Variants in ITPKC observed in about 807,000 individuals in gnomAD.
ITPKC encodes IP3 3-kinase C.
ITPKC carries 33 observed loss-of-function variants against 67.1 expected under a neutral mutation model. That is an observed-to-expected ratio of 0.49 (90% confidence interval 0.37 to 0.66). ITPKC has a LOEUF of 0.66. Among genes scored for constraint, ITPKC ranks in the 30% least tolerant of loss-of-function variants. The pLI is 0.00. For synonymous variants in ITPKC, 341 were observed against 359.8 expected (o/e 0.95, Z 0.59); for missense variants, 820 against 892.1 (o/e 0.92, Z 1.03).
rs5828077 is a variant in ITPKC at position 40,719,367 on chromosome 19, GAATAATAAT to G, written c.1155+1098_1155+1106del. 6.0e-5 allele frequency among the ~76,000 whole-genome samples: 9 copies of G among 150,146 alleles called. No homozygotes were observed. The South Asian group carries it at 6.3e-4, about 10-fold the overall frequency. On this transcript the variant is annotated intron_variant, in intron 1 of 6. Coordinates refer to ENST00000263370, the MANE Select transcript of ITPKC (RefSeq NM_025194.3). ...CAGAACAGCTGAGCTGGAAGTGGGT[GAATAATAAT>G]AATAATAATAATAATAATAACAACA...
chr19:40,717,369 T>C lies in ITPKC; in HGVS notation c.234T>C (p.Pro78=). The C allele has an allele frequency of 6.2e-7, 1 of 1,612,530 alleles. No homozygotes were observed. Among genetic ancestry groups the C allele is most frequent in the Admixed American group, 1.7e-5 (1 of 59,980 alleles). ...AGCCTGAGAGGGCCGGCCTCGGGCC[T>C]GCGCCGGGGACAGAGAGTCCGCAGG... ...HSEPERAGLG[P]APGTESPQAE... The change falls in exon 1 of 7, where the codon CCT becomes CCC. Residue 78 remains proline (P), a synonymous_variant. Coordinates refer to ENST00000263370, the MANE Select transcript of ITPKC (RefSeq NM_025194.3).
intron 2 of ITPKC, 117 bp downstream of exon 2, chr19:40,725,556 T>G: frequency 1.3e-6 from 1 of 759,484 alleles, no homozygotes; most frequent in Admixed American, 1.8e-5. Context: ...CCCCACCTTA[T>G]GGGACTGTTA....
chr19:40,729,175 T>G (rs151041227), intron 2 of ITPKC, 27 bp from the exon 3 acceptor site: 13 of 1,580,796 alleles, frequency 8.2e-6, no homozygotes, highest in Admixed American at 6.7e-5. Context: ...CAGTTCCTGA[T>G]CCTCTCATTT....
At position 40,733,204 on chromosome 19, in the gene ITPKC, G is replaced by A. The variant is rs767495962; in HGVS notation, c.1514G>A (p.Arg505His). ...CTAGTGAAGGCACGGGAACGTCCCC[G>A]TCCCCGGAAGGACATGTATGAGAAG... ...EELVKARERPRPRKDMYEKMV... is the reference protein window; with the variant it reads ...EELVKARERPHPRKDMYEKMV... The change falls in exon 4 of 7, where the codon CGT (arginine) becomes CAT (histidine). Residue 505 changes from arginine to histidine, a missense_variant. By Grantham distance (29) the Arg-to-His change is conservative (BLOSUM62 0). Around this residue, in one of 2 missense-constraint regions of ITPKC, gnomAD observed 339 missense variants for 422.0 expected, o/e 0.80. Transcript: ENST00000263370. The A allele has an allele frequency of 1.7e-5, 27 of 1,614,080 alleles. No individual in the cohort carries two copies. The African/African-American group carries it at 1.7e-4, about 10-fold the overall frequency.
chr19:40,739,202 A>G (rs1737258533), intron 6 of ITPKC, among the ~76,000 whole-genome samples, 155 bp from the exon 7 acceptor site: 1 of 152,218 alleles, frequency 6.6e-6, no homozygotes, highest in Non-Finnish European at 1.5e-5. Flanking sequence ...ACACCTGCCT[A>G]AGGCTGCACA....
chr19:40,722,554 C>T (rs1379442853), intron 1 of ITPKC, among the ~76,000 whole-genome samples: 1 of 152,014 alleles, frequency 6.6e-6, no homozygotes, highest in Non-Finnish European at 1.5e-5. Context: ...CGTCCCTGAT[C>T]CTGGGGTAGG....
intron 1 of ITPKC, among the ~76,000 whole-genome samples, chr19:40,723,251 G>T (rs1381030628): frequency 6.6e-6 from 1 of 152,046 alleles, no homozygotes; most frequent in African/African-American, 2.4e-5. Context: ...ATGAGCCACT[G>T]CGCCCGGCCT....
chr19:40,734,221 C>T (rs909687283), intron 4 of ITPKC, among the ~76,000 whole-genome samples: 1 of 152,030 alleles, frequency 6.6e-6, no homozygotes, highest in East Asian at 1.9e-4. Context: ...TTTTTTCCCC[C>T]ACAGCTATGT....
intron 2 of ITPKC, among the ~76,000 whole-genome samples, chr19:40,727,748 A>G (rs2082252772): frequency 6.6e-6 from 1 of 152,206 alleles, no homozygotes; most frequent in Non-Finnish European, 1.5e-5. Flanking sequence ...GTCTCTGCCA[A>G]CAGAAGTCAT....
chr19:40,737,824 G>A, intron 6 of ITPKC, 55 bp downstream of exon 6: 1 of 1,441,238 alleles, frequency 6.9e-7, no homozygotes, highest in African/African-American at 1.4e-5. Context: ...CCAGGTGCAT[G>A]GAGGGGAAAC....
intron 1 of ITPKC, among the ~76,000 whole-genome samples, chr19:40,724,390 TAAAAC>T (rs1297556178): frequency 1.3e-5 from 2 of 152,018 alleles, no homozygotes; most frequent in Non-Finnish European, 2.9e-5. Context: ...ACCCGGTCTC[TAAAAC>T]AAAACAAAAC....
intron 3 of ITPKC, 34 bp downstream of exon 3, chr19:40,729,449 G>T (rs1220532956): frequency 6.4e-7 from 1 of 1,569,926 alleles, no homozygotes; most frequent in African/African-American, 1.3e-5. Flanking sequence ...CAGGGATGGA[G>T]GGCAGGGGGT....
intron 1 of ITPKC, among the ~76,000 whole-genome samples, chr19:40,719,409 G>A (rs1193965353): frequency 6.6e-6 from 1 of 151,276 alleles, no homozygotes; most frequent in Non-Finnish European, 1.5e-5. Flanking sequence ...ACAACAATTA[G>A]CACTCACTCA....
At position 40,739,542 on chromosome 19, in the gene ITPKC, G is replaced by C. The variant is rs2082313617; in HGVS notation, c.2034G>C (p.Gln678His). Residue 678 changes from glutamine to histidine, a missense_variant, in exon 7 of 7, where the codon CAG (glutamine) becomes CAC (histidine). Gln to His is a conservative substitution (Grantham distance 24). This residue lies in a region of ITPKC where 339 missense variants were observed against 422.0 expected (regional missense o/e 0.80). Coordinates refer to ENST00000263370, the MANE Select transcript of ITPKC (RefSeq NM_025194.3). Reference sequence around the variant, plus strand: ...TGGACAACATGATCTGCCTCCTGCAGGGGCTGGCACAGAGCTGAGCTGCTC... The same window carrying C: ...TGGACAACATGATCTGCCTCCTGCACGGGCTGGCACAGAGCTGAGCTGCTC... ...WGLDNMICLL[Q>H]GLAQS 2 of 1,613,352 alleles carry C rather than the reference G, an allele frequency of 1.2e-6. No individual in the cohort carries two copies. Among genetic ancestry groups the C allele is most frequent in the Admixed American group, 1.7e-5 (1 of 59,964 alleles).
In ITPKC at chr19:40,718,053, A is replaced by G. The variant is rs770733302; in HGVS notation, c.918A>G (p.Pro306=). Residue 306 remains proline, a synonymous_variant, in exon 1 of 7, where the codon CCA becomes CCG. Transcript: ENST00000263370. ...CTGAGGATGGCCCATTAGAGGAACC[A>G]GAGCCTGGAGAATTGCTGACTCACC... The part of the protein sequence containing the change: ...GEPEDGPLEE[P]EPGELLTHLY... The G allele has an allele frequency of 2.5e-6, 4 of 1,614,164 alleles. No homozygotes were observed. The Admixed American group carries it at 5.0e-5, about 20-fold the overall frequency.
chr19:40,718,673 G>T (rs543358056), intron 1 of ITPKC, among the ~76,000 whole-genome samples: 61 of 152,296 alleles, frequency 4.0e-4, no homozygotes, highest in African/African-American at 1.4e-3. Flanking sequence ...AGAACACTGG[G>T]ATAGGGAGAC....
At chr19:40,736,030 G>A (rs1004125345) in intron 4 of ITPKC, among the ~76,000 whole-genome samples, 5 of 152,178 alleles carry the variant, frequency 3.3e-5, no homozygotes, top group Non-Finnish European at 5.9e-5. Flanking sequence ...AGTGGCTCAC[G>A]CCAGTAATCC....
intron 3 of ITPKC, among the ~76,000 whole-genome samples, chr19:40,731,323 T>C (rs939876824): frequency 3.3e-5 from 5 of 152,192 alleles, no homozygotes; most frequent in Non-Finnish European, 5.9e-5. Context: ...CTAGATTGTA[T>C]GCTCCTATGA....
At chr19:40,722,185 C>G (rs895764590) in intron 1 of ITPKC, among the ~76,000 whole-genome samples, 6 of 152,056 alleles carry the variant, frequency 3.9e-5, no homozygotes, top group Admixed American at 1.3e-4. Context: ...GGATAAGCCC[C>G]AAGGCACTGG....
Sources: allele counts gnomAD v4.1 joint callset (sites outside exome capture counted in the v4.1 genomes callset), GRCh38; gene constraint gnomAD v4.1.1; regional missense constraint gnomAD v4.1.1; transcripts MANE v1.5; gene names NCBI Gene and HGNC (gene_info 2026-07-23, HGNC 2026-07-21).